Variants in ZNF653 observed in about 807,000 individuals in gnomAD.
ZNF653 encodes 67 kDa zinc finger protein.
ZNF653 carries 37 observed loss-of-function variants against 59.9 expected under a neutral mutation model. That is an observed-to-expected ratio of 0.62 (90% confidence interval 0.48 to 0.81). The LOEUF (loss-of-function observed/expected upper bound fraction) is 0.81. Among genes scored for constraint, ZNF653 ranks in the 40% least tolerant of loss-of-function variants. The pLI, the probability that ZNF653 is intolerant of heterozygous loss-of-function variation, is 0.00. For synonymous variants in ZNF653, 435 were observed against 371.8 expected (o/e 1.17, Z -1.96); for missense variants, 808 against 881.1 (o/e 0.92, Z 1.05).
At chr19:11,493,143 C>T (rs145558787) in intron 3 of ZNF653, among the ~76,000 whole-genome samples, 6,728 of 151,742 alleles carry the variant, frequency 0.044, 176 homozygotes, top group Admixed American at 0.071. Flanking sequence ...CTGCAACCTC[C>T]GCCTCCTGGG....
chr19:11,483,666 T>C lies in ZNF653; in HGVS notation c.*16A>G. The C allele has an allele frequency of 1.2e-6, 2 of 1,603,736 alleles. No homozygotes were observed. Among genetic ancestry groups the C allele is most frequent in the East Asian group, 2.2e-5 (1 of 44,476 alleles). Reference sequence around the variant, plus strand: ...CGAGCGGACGAATAAATAGGGGCGGTCAGTGGTCAGGTGGGTCAGGTGGGC... The same window carrying C: ...CGAGCGGACGAATAAATAGGGGCGGCCAGTGGTCAGGTGGGTCAGGTGGGC... On this transcript the variant is annotated 3_prime_UTR_variant, in exon 9 of 9. Coordinates refer to ENST00000293771, the MANE Select transcript of ZNF653 (RefSeq NM_138783.4).
rs908766677 is a variant in ZNF653, at chr19:11,498,318, G to A, written c.321C>T (p.Pro107=). The A allele has an allele frequency of 9.3e-6, 15 of 1,613,902 alleles. No individual in the cohort carries two copies. Among genetic ancestry groups the A allele is most frequent in the Middle Eastern group, 1.6e-4 (1 of 6,082 alleles). Residue 107 remains proline (P), a synonymous_variant, in exon 2 of 9, where the codon CCC becomes CCT. Coordinates refer to ENST00000293771, the MANE Select transcript of ZNF653 (RefSeq NM_138783.4). ...GRHGKPWEQV[P]KKPKRKKRRR... ...TACTTTTCTTCCGCTTTGGCTTTTTGGGGACCTGCTCCCAAGGCTTCCTGC... is the reference window on the plus strand; with the variant it reads ...TACTTTTCTTCCGCTTTGGCTTTTTAGGGACCTGCTCCCAAGGCTTCCTGC...
chr19:11,485,616 G>A, intron 7 of ZNF653, 40 bp downstream of exon 7: 1 of 1,544,958 alleles, frequency 6.5e-7, no homozygotes, highest in Non-Finnish European at 8.9e-7. Context: ...CCATGTCCCT[G>A]TGTCCCCCGC....
chr19:11,500,179 C>T (rs754176024), intron 1 of ZNF653, among the ~76,000 whole-genome samples: 3 of 152,290 alleles, frequency 2.0e-5, no homozygotes, highest in South Asian at 4.1e-4. Context: ...GTCCCACACC[C>T]GTCTGGTTCC....
At position 11,498,357 on chromosome 19, in the gene ZNF653, A is replaced by G; in HGVS notation, c.300-18T>C. On this transcript the variant is annotated intron_variant, in intron 1 of 8. Coordinates refer to ENST00000293771, the MANE Select transcript of ZNF653 (RefSeq NM_138783.4). ...AAGGCTTCCTGCAACAGAAAGAGGC[A>G]GAGAGGGTGAACGGGGGACCAGCGC... The G allele has an allele frequency of 6.2e-7, 1 of 1,613,970 alleles. No homozygotes were observed. The highest frequency in any genetic ancestry group is 1.3e-5 in the African/African-American group (1 of 75,050).
intron 8 of ZNF653, 77 bp from the exon 9 acceptor site, chr19:11,483,936 G>A (rs1971436621): frequency 1.3e-6 from 2 of 1,518,224 alleles, no homozygotes; most frequent in East Asian, 2.5e-5. Flanking sequence ...GCCGAGCGCA[G>A]GTGGAACCGG....
chr19:11,486,999 T>C lies in ZNF653; in HGVS notation c.1331A>G (p.Lys444Arg). The stretch of plus-strand genomic sequence containing the variant: ...CCCCGGCACCCACTTCTCAGGCTCC[T>C]TGGGGATTTCATAGATGATGGCTGA... Reference protein sequence around the residue: ...DMSAIIYEIPKEPEKRRRSKR... With the variant: ...DMSAIIYEIPREPEKRRRSKR... Residue 444 changes from lysine (K) to arginine (R), a missense_variant, in exon 5 of 9, where the codon AAG (lysine) becomes AGG (arginine). Lys to Arg is a conservative substitution (Grantham distance 26). Transcript: ENST00000293771. The C allele has an allele frequency of 3.1e-6, 5 of 1,614,002 alleles. No individual in the cohort carries two copies. The highest frequency in any genetic ancestry group is 4.2e-6 in the Non-Finnish European group (5 of 1,179,936).
intron 1 of ZNF653, among the ~76,000 whole-genome samples, chr19:11,503,888 G>A (rs1356127952): frequency 1.3e-5 from 2 of 152,086 alleles, no homozygotes; most frequent in African/African-American, 4.8e-5. Context: ...AGAATCACTT[G>A]AGCCTAGGAG....
Position 11,498,349 on chromosome 19 carries a change from A to C in ZNF653, c.300-10T>G, listed in dbSNP as rs1568396837. On this transcript the variant is annotated splice_polypyrimidine_tract_variant and intron_variant, in intron 1 of 8. Coordinates refer to ENST00000293771, the MANE Select transcript of ZNF653 (RefSeq NM_138783.4). ...CTGCTCCCAAGGCTTCCTGCAACAG[A>C]AAGAGGCAGAGAGGGTGAACGGGGG... The C allele has an allele frequency of 6.2e-7, 1 of 1,614,002 alleles. No individual in the cohort carries two copies. Among genetic ancestry groups the C allele is most frequent in the East Asian group, 2.2e-5 (1 of 44,874 alleles).
chr19:11,483,534 TGCCCAGGGG>T lies in ZNF653; in HGVS notation c.*139_*147del, dbSNP rs1251643721. ...ATGCGGTGGGGCGGGGTGGGGAACC[TGCCCAGGGG>T]GCCCAGCTCTGGGGCGGGGCGGGGG... is the stretch of plus-strand genomic sequence containing the variant. On this transcript the variant is annotated 3_prime_UTR_variant, in exon 9 of 9. Transcript: ENST00000293771. The T allele has an allele frequency of 8.6e-6, 12 of 1,397,766 alleles. No individual in the cohort carries two copies. The highest frequency in any genetic ancestry group is 1.1e-5 in the Non-Finnish European group (12 of 1,074,548). 86.6% of individuals were successfully genotyped at this position (1,397,766 alleles called of 1,614,324 possible). A position where few individuals can be genotyped will look rare whatever the true frequency, so the allele number is the denominator to read the frequency against.
At chr19:11,497,809 G>C (rs552782564) in intron 2 of ZNF653, among the ~76,000 whole-genome samples, 1 of 152,270 alleles carries the variant, frequency 6.6e-6, no homozygotes, top group Admixed American at 6.5e-5. Context: ...CATCCCTTGA[G>C]GATTCAGGAT....
At position 11,487,739 on chromosome 19, in the gene ZNF653, C is replaced by A. The variant is rs765890535; in HGVS notation, c.724G>T (p.Val242Leu). The A allele has an allele frequency of 6.2e-7, 1 of 1,613,540 alleles. No homozygotes were observed. The highest frequency in any genetic ancestry group is 1.7e-5 in the Admixed American group (1 of 60,024). ...GSSGLITQEG[V>L]HIPFDVHHVE... ...TGGTGGACGTCAAAGGGAATGTGCACGCCCTCCTGAGTGATGAGCCCGCTG... is the reference window on the plus strand; with the variant it reads ...TGGTGGACGTCAAAGGGAATGTGCAAGCCCTCCTGAGTGATGAGCCCGCTG... The change falls in exon 4 of 9, where the codon GTG becomes TTG. Residue 242 changes from valine (V) to leucine (L), a missense_variant. By Grantham distance (32) the Val-to-Leu change is conservative. Coordinates refer to ENST00000293771, the MANE Select transcript of ZNF653 (RefSeq NM_138783.4). The surrounding 1 kb of genome is among the most constrained non-coding windows in gnomAD (Gnocchi z 5.1).
intron 3 of ZNF653, among the ~76,000 whole-genome samples, chr19:11,488,268 G>A (rs1377484449): frequency 6.6e-6 from 1 of 151,728 alleles, no homozygotes; most frequent in Non-Finnish European, 1.5e-5. Flanking sequence ...TCCCACCTCA[G>A]CCTCCCGAGT....
chr19:11,502,862 C>T (rs1033865021), intron 1 of ZNF653, among the ~76,000 whole-genome samples: 2 of 151,812 alleles, frequency 1.3e-5, no homozygotes, highest in East Asian at 3.9e-4. Flanking sequence ...GGCGAAACCC[C>T]GTCTCTACTA....
intron 3 of ZNF653, among the ~76,000 whole-genome samples, 161 bp from the exon 4 acceptor site, chr19:11,488,064 T>G (rs1221847019): frequency 6.6e-6 from 1 of 151,934 alleles, no homozygotes; most frequent in African/African-American, 2.4e-5. Flanking sequence ...CTCAGCTCAC[T>G]GCAACCTTGG....
rs1217429730 is a variant in ZNF653 at position 11,495,389 on chromosome 19, G to T, written c.559+561C>A. 6.6e-6 allele frequency among the ~76,000 whole-genome samples: 1 copy of T among 152,118 alleles called. No homozygotes were observed. Among genetic ancestry groups the T allele is most frequent in the African/African-American group, 2.4e-5 (1 of 41,434 alleles). ...CAGAAAATGAAAGATCAAGGAAGGAGGAGACAGAGGCAGCTCAAGGGAGGA... is the reference window on the plus strand; with the variant it reads ...CAGAAAATGAAAGATCAAGGAAGGATGAGACAGAGGCAGCTCAAGGGAGGA... On this transcript the variant is annotated intron_variant, in intron 3 of 8. Transcript: ENST00000293771. This position sits in a 1 kb window ranked among gnomAD's most constrained non-coding sequence, Gnocchi z 4.9.
intron 6 of ZNF653, among the ~76,000 whole-genome samples, chr19:11,486,156 T>C (rs1199390741): frequency 6.6e-6 from 1 of 152,160 alleles, no homozygotes; most frequent in African/African-American, 2.4e-5. Context: ...AGACAGGGTT[T>C]CACCGTGTTA....
chr19:11,502,837 C>A (rs1236384198), intron 1 of ZNF653, among the ~76,000 whole-genome samples: 3 of 152,058 alleles, frequency 2.0e-5, no homozygotes, highest in African/African-American at 7.2e-5. Context: ...AGTTCGAGAC[C>A]AGCCTAGCCA....
chr19:11,504,184 G>A (rs1290286418), intron 1 of ZNF653, among the ~76,000 whole-genome samples: 5 of 152,116 alleles, frequency 3.3e-5, no homozygotes, highest in African/African-American at 1.2e-4. Context: ...GGTGGATCAC[G>A]AGGTCAGGAG....
Sources: allele counts gnomAD v4.1 joint callset (sites outside exome capture counted in the v4.1 genomes callset), GRCh38; gene constraint gnomAD v4.1.1; non-coding constraint Gnocchi (gnomAD v3.1); transcripts MANE v1.5; gene names NCBI Gene and HGNC (gene_info 2026-07-23, HGNC 2026-07-21).